Variants in MAP4 observed in about 807,000 individuals in gnomAD.
MAP4 encodes the protein microtubule-associated protein 4.
Under a neutral mutation model 170.2 loss-of-function variants are expected in MAP4, and 76 were observed. The ratio of observed to expected loss-of-function variants is 0.45; its 90% CI spans 0.37 to 0.54. The LOEUF (loss-of-function observed/expected upper bound fraction) is 0.54, where lower values mean the gene tolerates loss of function less well. Among genes scored for constraint, MAP4 ranks in the 20% least tolerant of loss-of-function variants. The pLI is 0.00. For synonymous variants in MAP4, 909 were observed against 994.5 expected, an observed-to-expected ratio of 0.91 and a Z score of 1.62; for missense variants, 2,506 against 2,748.0, an observed-to-expected ratio of 0.91 and a Z score of 1.97.
intron 1 of MAP4, among the ~76,000 whole-genome samples, chr3:48,044,260 T>C (rs1450657685): frequency 6.6e-6 from 1 of 151,220 alleles, no homozygotes; most frequent in African/African-American, 2.4e-5. Context: ...GTTCATGCCA[T>C]TCTCCTGCCT....
intron 2 of MAP4, among the ~76,000 whole-genome samples, chr3:47,981,445 T>A (rs1014590339): frequency 6.6e-6 from 1 of 151,838 alleles, no homozygotes; most frequent in Non-Finnish European, 1.5e-5. Flanking sequence ...ACGCCTATAG[T>A]CCTTATCTCG....
chr3:47,874,499 T>C (rs1375136925), intron 12 of MAP4, among the ~76,000 whole-genome samples: 3 of 152,052 alleles, frequency 2.0e-5, no homozygotes, highest in Non-Finnish European at 2.9e-5. Context: ...AAAGTTCATG[T>C]ATATACAGCA....
intron 2 of MAP4, among the ~76,000 whole-genome samples, chr3:47,978,378 T>C (rs924131309): frequency 6.6e-5 from 10 of 152,154 alleles, no homozygotes; most frequent in Non-Finnish European, 1.3e-4. Flanking sequence ...AGTGCCATGG[T>C]GCAACCTCGG....
At chr3:48,029,638 A>G (rs1254099038) in intron 1 of MAP4, among the ~76,000 whole-genome samples, 1 of 152,190 alleles carries the variant, frequency 6.6e-6, no homozygotes, top group Non-Finnish European at 1.5e-5. Context: ...AGCTACAGAC[A>G]ACTAGTATAA....
intron 3 of MAP4, among the ~76,000 whole-genome samples, chr3:47,964,089 A>G (rs1410850032): frequency 6.6e-6 from 1 of 152,240 alleles, no homozygotes; most frequent in East Asian, 1.9e-4. Flanking sequence ...ATCTGGTCAG[A>G]AAGATGACAA....
intron 2 of MAP4, among the ~76,000 whole-genome samples, chr3:47,988,369 G>A (rs1251949899): frequency 1.3e-5 from 2 of 152,002 alleles, no homozygotes; most frequent in East Asian, 3.8e-4. Flanking sequence ...TGACAGCAGT[G>A]GCCTGAGTGA....
At chr3:47,904,670 G>A (rs1179043218) in intron 9 of MAP4, among the ~76,000 whole-genome samples, 20 of 145,722 alleles carry the variant, frequency 1.4e-4, no homozygotes, top group Non-Finnish European at 2.7e-4. Flanking sequence ...GCTAGAGAGG[G>A]GCGGGGCGGG....
At chr3:47,947,010 T>C (rs1242302486) in intron 3 of MAP4, among the ~76,000 whole-genome samples, 2 of 152,210 alleles carry the variant, frequency 1.3e-5, no homozygotes, top group Admixed American at 6.5e-5. Context: ...TCAAACCCAT[T>C]CTACCAATTG....
At chr3:48,077,091 G>A (rs1164472985) in intron 1 of MAP4, among the ~76,000 whole-genome samples, 2 of 151,820 alleles carry the variant, frequency 1.3e-5, no homozygotes, top group African/African-American at 2.4e-5. Context: ...AGGCTGCAGT[G>A]AATCATGATC....
At chr3:47,853,720 A>G (rs973061429) in intron 19 of MAP4, among the ~76,000 whole-genome samples, 2 of 152,184 alleles carry the variant, frequency 1.3e-5, no homozygotes, top group African/African-American at 4.8e-5. Context: ...TGAAGGGTAC[A>G]GCCCACCCTC....
intron 3 of MAP4, among the ~76,000 whole-genome samples, chr3:47,943,017 G>A (rs542888924): frequency 6.3e-4 from 96 of 152,222 alleles, no homozygotes; most frequent in African/African-American, 2.1e-3. Context: ...TGGAGGCTGA[G>A]GTGGGAGGAT....
chr3:47,975,092 C>T (rs2154260708), intron 3 of MAP4: 1 of 1,053,144 alleles, frequency 9.5e-7, no homozygotes, highest in African/African-American at 1.7e-5. Context: ...AAAAGGTCAA[C>T]TAAAAATATT....
intron 2 of MAP4, among the ~76,000 whole-genome samples, chr3:47,981,055 C>T (rs1168935414): frequency 1.3e-5 from 2 of 152,070 alleles, no homozygotes; most frequent in Non-Finnish European, 2.9e-5. Flanking sequence ...ATACTCAACT[C>T]AACAATCAGT....
chr3:47,931,249 C>G (rs955730302), intron 3 of MAP4, among the ~76,000 whole-genome samples: 1 of 151,842 alleles, frequency 6.6e-6, no homozygotes, highest in Non-Finnish European at 1.5e-5. Context: ...AGCATGGTGA[C>G]GAGTGCCTTT....
chr3:47,910,817 C>G lies in MAP4; in HGVS notation c.3604G>C (p.Ala1202Pro). 1 of 1,536,096 alleles carries G rather than the reference C, an allele frequency of 6.5e-7. No homozygotes were observed. The highest frequency in any genetic ancestry group is 8.7e-7 in the Non-Finnish European group (1 of 1,146,898). The change falls in exon 9 of 21, where the codon GCT becomes CCT. Residue 1202 changes from alanine (A) to proline (P), a missense_variant. Ala to Pro is a conservative substitution (Grantham distance 27). Transcript: ENST00000683076. ...TTAGGCTTTTCAGAAATCCAGGGAG[C>G]TGCCTCATGATCCTTCCATGGACAC... is the stretch of plus-strand genomic sequence containing the variant. ...GRCPWKDHEA[A>P]PWISEKPKKR...
At chr3:47,886,659 T>C (rs2097647893) in intron 10 of MAP4, among the ~76,000 whole-genome samples, 1 of 152,196 alleles carries the variant, frequency 6.6e-6, no homozygotes, top group Non-Finnish European at 1.5e-5. Context: ...ACAAAAGCAA[T>C]GTCTGATGTG....
At chr3:48,052,182 G>A (rs952512247) in intron 1 of MAP4, among the ~76,000 whole-genome samples, 2 of 152,142 alleles carry the variant, frequency 1.3e-5, no homozygotes, top group Non-Finnish European at 2.9e-5. Flanking sequence ...GGAAATGGAA[G>A]GATTAGGTGG....
intron 1 of MAP4, among the ~76,000 whole-genome samples, chr3:48,078,262 A>G (rs370196890): frequency 6.6e-6 from 1 of 151,356 alleles, no homozygotes; most frequent in East Asian, 1.9e-4. Flanking sequence ...CTCCCACCTC[A>G]GCCTCCCAAG....
rs745717931 is a variant in MAP4, at chr3:47,909,962, C to A, written c.4459G>T (p.Val1487Phe). Residue 1487 changes from valine (V) to phenylalanine (F), a missense_variant, in exon 9 of 21, where the codon GTC becomes TTC. Coordinates refer to ENST00000683076, the MANE Select transcript of MAP4 (RefSeq NM_001385682.1). ...LMVDNYTKDGVPGQERPKGPS... is the reference protein window; with the variant it reads ...LMVDNYTKDGFPGQERPKGPS... Reference sequence around the variant, plus strand: ...CCCTTGGGTCTTTCTTGACCTGGGACTCCATCTTTGGTGTAGTTATCTACC... The same window carrying A: ...CCCTTGGGTCTTTCTTGACCTGGGAATCCATCTTTGGTGTAGTTATCTACC... The A allele has an allele frequency of 6.2e-6, 10 of 1,614,000 alleles. No individual in the cohort carries two copies. The highest frequency in any genetic ancestry group is 7.6e-6 in the Non-Finnish European group (9 of 1,179,894).
Sources: allele counts gnomAD v4.1 joint callset (sites outside exome capture counted in the v4.1 genomes callset), GRCh38; gene constraint gnomAD v4.1.1; transcripts MANE v1.5; gene names NCBI Gene and HGNC (gene_info 2026-07-23, HGNC 2026-07-21).